SPTAN1: variants seen among roughly 807,000 people sequenced by gnomAD.
SPTAN1 encodes spectrin alpha, non-erythrocytic 1.
SPTAN1 carries 61 observed loss-of-function variants against 331.3 expected under a neutral mutation model. That is an observed-to-expected ratio of 0.18 (90% CI 0.15 to 0.23). The LOEUF is 0.23. SPTAN1 is among the 10% of genes least tolerant of loss of function. The pLI is 1.00. For synonymous variants in SPTAN1, 1,153 were observed against 1,173.9 expected, an observed-to-expected ratio of 0.98 and a Z score of 0.36; for missense variants, 2,043 against 3,147.9, an observed-to-expected ratio of 0.65 and a Z score of 8.40.
intron 26 of SPTAN1, chr9:128,599,805 TTGG>T: frequency 2.0e-6 from 1 of 505,482 alleles, no homozygotes; most frequent in African/African-American, 1.9e-5. Context: ...AACATAAAAG[TTGG>T]TGGTTTTCTT....
chr9:128,573,814 C>T (rs917161443), intron 3 of SPTAN1, among the ~76,000 whole-genome samples: 1 of 151,620 alleles, frequency 6.6e-6, no homozygotes, highest in Non-Finnish European at 1.5e-5. Flanking sequence ...AGCACAGTGG[C>T]ACAATCATGG....
Position 128,627,020 on chromosome 9 carries a change from C to T in SPTAN1, c.6576+333C>T, listed in dbSNP as rs1355000282. 1.3e-5 allele frequency: 7 copies of T among 547,638 alleles called. No individual in the cohort carries two copies. The highest frequency in any genetic ancestry group is 3.7e-5 in the African/African-American group (2 of 53,508). 33.9% of individuals were successfully genotyped at this position (547,638 alleles called of 1,614,324 possible). A position where few individuals can be genotyped will look rare whatever the true frequency, so the allele number is the denominator to read the frequency against. On this transcript the variant is annotated intron_variant, in intron 49 of 56. Coordinates refer to ENST00000372739, the MANE Select transcript of SPTAN1 (RefSeq NM_001130438.3). The surrounding 1 kb of genome is among the most constrained non-coding windows in gnomAD (Gnocchi z 4.9). ...TGTAGACAGGGTGTTGCTATGTTGC[C>T]CAGGCTGGTCTTCAACTCCTGGCCT...
chr9:128,624,041 C>G (rs1858335490), intron 45 of SPTAN1, among the ~76,000 whole-genome samples: 1 of 147,180 alleles, frequency 6.8e-6, no homozygotes, highest in African/African-American at 2.5e-5. Context: ...CGAGATCACG[C>G]CACTGCATTC....
At chr9:128,568,639 G>A in intron 2 of SPTAN1, 133 bp from the exon 3 acceptor site, 1 of 1,245,462 alleles carries the variant, frequency 8.0e-7, no homozygotes, top group South Asian at 1.3e-5. Flanking sequence ...TAAGAGAATG[G>A]GCAAGGTGCC....
intron 2 of SPTAN1, 71 bp from the exon 3 acceptor site, chr9:128,568,701 G>A (rs1263211798): frequency 8.1e-6 from 13 of 1,602,920 alleles, no homozygotes; most frequent in South Asian, 7.8e-5. Flanking sequence ...GGAGGAACAC[G>A]GGGAACAGCG....
chr9:128,556,942 A>G (rs576499039), intron 1 of SPTAN1, among the ~76,000 whole-genome samples: 12 of 152,304 alleles, frequency 7.9e-5, no homozygotes, highest in Middle Eastern at 3.4e-3. Context: ...TTCTTAGGGA[A>G]GCCCTTCCAC....
Position 128,591,472 on chromosome 9 carries a change from C to T in SPTAN1, c.3007-5C>T. On this transcript the variant is annotated splice_region_variant and splice_polypyrimidine_tract_variant and intron_variant, in intron 21 of 56. Coordinates refer to ENST00000372739, the MANE Select transcript of SPTAN1 (RefSeq NM_001130438.3). ...TACTTTCAGTTCTCCCTCTTTTTTC[C>T]TTAGGATTGGTGGAAAGTGGAAGTG... 1 of 1,613,826 alleles carries T rather than the reference C, an allele frequency of 6.2e-7. No individual in the cohort carries two copies. Among genetic ancestry groups the T allele is most frequent in the East Asian group, 2.2e-5 (1 of 44,872 alleles).
At chr9:128,605,204 G>C (rs765034111) in intron 30 of SPTAN1, 26 bp downstream of exon 30, 5 of 1,614,122 alleles carry the variant, frequency 3.1e-6, no homozygotes, top group Admixed American at 1.7e-5. Context: ...GTCATCTTCT[G>C]TCTGGCATTT....
At chr9:128,596,528 G>C (rs142927505) in intron 24 of SPTAN1, 1 of 151,450 alleles carries the variant, frequency 6.6e-6, no homozygotes, top group Non-Finnish European at 1.5e-5. Flanking sequence ...CACCCGCCTC[G>C]GTCTCCCAAA....
chr9:128,606,440 C>T (rs1855879501), intron 31 of SPTAN1, among the ~76,000 whole-genome samples: 1 of 149,860 alleles, frequency 6.7e-6, no homozygotes, highest in Non-Finnish European at 1.5e-5. Flanking sequence ...CCTCTCATCT[C>T]CTTGCCATAT....
chr9:128,621,008 A>T, intron 44 of SPTAN1, 150 bp from the exon 45 acceptor site: 1 of 716,410 alleles, frequency 1.4e-6, no homozygotes, highest in Non-Finnish European at 2.5e-6. Flanking sequence ...TCTATTTATT[A>T]ATGTTCCTCT....
rs138024180 is a variant in SPTAN1, at chr9:128,606,068, A to G, written c.4046+591A>G. 2.5e-3 allele frequency among the ~76,000 whole-genome samples: 378 copies of G among 152,012 alleles called. 2 individuals carry two copies. The highest frequency in any genetic ancestry group is 5.0e-3 in the Admixed American group (77 of 15,264). On this transcript the variant is annotated intron_variant, in intron 31 of 56. Transcript: ENST00000372739. Reference sequence around the variant, plus strand: ...AAATAGTCAAACTACTGAATGCCATATTGTTAAAAATAAGTCTCTGCAGCC... The same window carrying G: ...AAATAGTCAAACTACTGAATGCCATGTTGTTAAAAATAAGTCTCTGCAGCC...
chr9:128,624,241 AG>A lies in SPTAN1; in HGVS notation c.5833-86del. 1.9e-6 allele frequency: 3 copies of A among 1,552,002 alleles called. No individual in the cohort carries two copies. The South Asian group carries it at 3.5e-5, about 18-fold the overall frequency. Reference sequence around the variant, plus strand: ...CAGGGGAGCAAGTGGCCCATTTTATAGAAGTTTAGAGCCTTTCCAGGGAGGG... The same window carrying A: ...CAGGGGAGCAAGTGGCCCATTTTATAAAGTTTAGAGCCTTTCCAGGGAGGG... On this transcript the variant is annotated intron_variant, in intron 45 of 56. Transcript: ENST00000372739.
intron 3 of SPTAN1, among the ~76,000 whole-genome samples, chr9:128,572,672 T>C (rs1850869329): frequency 6.6e-6 from 1 of 152,202 alleles, no homozygotes; most frequent in Admixed American, 6.5e-5. Flanking sequence ...GTACCTTAGT[T>C]TGGCAGAAAG....
chr9:128,584,561 GA>G, intron 17 of SPTAN1, 36 bp downstream of exon 17: 1 of 1,613,978 alleles, frequency 6.2e-7, no homozygotes, highest in Non-Finnish European at 8.5e-7. Context: ...ATCAACTTGG[GA>G]AAGGCTGTGC....
chr9:128,617,855 A>G lies in SPTAN1; in HGVS notation c.5478+95A>G, dbSNP rs892960517. ...TTGCGCTTATTTCACTGAGGTCCCT[A>G]AAGTGTTCATGACCCCTCAGTCCAA... On this transcript the variant is annotated intron_variant, in intron 42 of 56. Coordinates refer to ENST00000372739, the MANE Select transcript of SPTAN1 (RefSeq NM_001130438.3). 3.7e-6 allele frequency: 6 copies of G among 1,611,374 alleles called. No individual in the cohort carries two copies. The African/African-American group carries it at 6.7e-5, about 18-fold the overall frequency.
Position 128,576,954 on chromosome 9 carries a change from C to A in SPTAN1, c.783C>A (p.Asn261Lys). Residue 261 changes from asparagine to lysine, a missense_variant and splice_region_variant, in exon 6 of 57, where the codon AAC becomes AAA. Transcript: ENST00000372739. ...LFGAAEVQRFNRDVDETISWI... is the reference protein window; with the variant it reads ...LFGAAEVQRFKRDVDETISWI... Reference sequence around the variant, plus strand: ...GGGCAGCAGAAGTTCAGCGCTTTAACAGGTGTCAAGCCAGAGTGGGCTTTG... The same window carrying A: ...GGGCAGCAGAAGTTCAGCGCTTTAAAAGGTGTCAAGCCAGAGTGGGCTTTG... 6.2e-7 allele frequency: 1 copy of A among 1,614,118 alleles called. No homozygotes were observed. Among genetic ancestry groups the A allele is most frequent in the Non-Finnish European group, 8.5e-7 (1 of 1,180,038 alleles).
intron 51 of SPTAN1, 87 bp downstream of exon 51, chr9:128,628,029 G>C (rs527496623): frequency 1.3e-6 from 2 of 1,539,190 alleles, no homozygotes; most frequent in Non-Finnish European, 9.0e-7. Context: ...GGAGGATCCC[G>C]GGATGGGCCT....
At chr9:128,560,272 C>T (rs752613364) in intron 1 of SPTAN1, among the ~76,000 whole-genome samples, 3 of 151,690 alleles carry the variant, frequency 2.0e-5, no homozygotes, top group Non-Finnish European at 4.4e-5. Flanking sequence ...TTAATAGAGA[C>T]GAGGTTCCAC....
Sources: gnomAD v4.1 joint callset for allele counts (sites outside exome capture counted in the v4.1 genomes callset) on GRCh38, gnomAD v4.1.1 for gene constraint, Gnocchi (gnomAD v3.1) non-coding constraint, MANE v1.5 for transcripts, NCBI Gene and HGNC (gene_info 2026-07-23, HGNC 2026-07-21) for gene names.